NEK11: variants seen among roughly 807,000 people sequenced by gnomAD.
NEK11 encodes the protein serine/threonine-protein kinase Nek11.
NEK11 carries 72 observed loss-of-function variants against 80.7 expected under a neutral mutation model. The observed-to-expected ratio is 0.89, with a 90% CI of 0.74 to 1.08. NEK11 has a LOEUF of 1.08. Among genes scored for constraint, NEK11 ranks in the 50% least tolerant of loss-of-function variants. The pLI is 0.00. For missense variants in NEK11, 764 were observed against 763.6 expected (o/e 1.00, Z -0.01); for synonymous variants, 251 against 260.7 (o/e 0.96, Z 0.36).
intron 3 of NEK11, chr3:131,072,151 C>T (rs1042078856): frequency 6.6e-6 from 1 of 152,142 alleles, no homozygotes; most frequent in African/African-American, 2.4e-5. Flanking sequence ...ATCAAGAAGT[C>T]TAGAGAGAGA....
At chr3:131,148,575 C>T (rs1036872330) in intron 7 of NEK11, among the ~76,000 whole-genome samples, 9 of 151,840 alleles carry the variant, frequency 5.9e-5, no homozygotes, top group Admixed American at 5.9e-4. Flanking sequence ...GCTGAAAATA[C>T]ATTGGTAGGC....
chr3:131,284,754 T>C (rs1456485736), intron 17 of NEK11, among the ~76,000 whole-genome samples: 2 of 152,178 alleles, frequency 1.3e-5, no homozygotes, highest in Non-Finnish European at 2.9e-5. Context: ...ACTGGATGCT[T>C]CCTGCCCATC....
At chr3:131,189,299 C>G (rs2093706840) in intron 14 of NEK11, among the ~76,000 whole-genome samples, 1 of 152,198 alleles carries the variant, frequency 6.6e-6, no homozygotes, top group Non-Finnish European at 1.5e-5. Flanking sequence ...TAAAACACTT[C>G]TTGTCTTAGT....
At chr3:131,314,371 A>G (rs1302885489) in intron 17 of NEK11, among the ~76,000 whole-genome samples, 1 of 152,220 alleles carries the variant, frequency 6.6e-6, no homozygotes, top group Non-Finnish European at 1.5e-5. Flanking sequence ...TTGCACAACA[A>G]ATCTTTTGAG....
At chr3:131,309,577 T>C (rs544402502) in intron 17 of NEK11, among the ~76,000 whole-genome samples, 236 of 151,134 alleles carry the variant, frequency 1.6e-3, no homozygotes, top group African/African-American at 5.3e-3. Context: ...CTTTATGAAC[T>C]GGAACATCTG....
chr3:131,089,323 G>T (rs2076414675), intron 4 of NEK11, among the ~76,000 whole-genome samples: 1 of 152,314 alleles, frequency 6.6e-6, no homozygotes, highest in South Asian at 2.1e-4. Context: ...AGATTCTGAT[G>T]TATAAAATTT....
intron 3 of NEK11, among the ~76,000 whole-genome samples, chr3:131,050,384 C>A (rs1036736366): frequency 9.2e-5 from 14 of 152,120 alleles, no homozygotes; most frequent in African/African-American, 2.9e-4. Context: ...ACAAATGACT[C>A]CCTGCTGGTC....
chr3:131,213,904 T>TTGG lies in NEK11; in HGVS notation c.1400-14622_1400-14620dup, dbSNP rs144648805. 4.1e-3 allele frequency among the ~76,000 whole-genome samples: 624 copies of TTGG among 152,280 alleles called. 9 individuals are homozygous for TTGG. In the East Asian group the frequency reaches 0.041, roughly 10 times the overall value. ...CGAGATGAGGCCTTTAGGAGGTGAT[T>TTGG]TGGTCATGAGGGTAGAGCCCACAGG... On this transcript the variant is annotated intron_variant, in intron 14 of 17. Transcript: ENST00000383366.
chr3:131,323,947 C>T (rs1168362406), intron 17 of NEK11, among the ~76,000 whole-genome samples: 5 of 152,160 alleles, frequency 3.3e-5, no homozygotes, highest in Non-Finnish European at 5.9e-5. Context: ...CAGTAAACGG[C>T]TACACATGGC....
intron 17 of NEK11, among the ~76,000 whole-genome samples, chr3:131,334,241 A>G (rs983758172): frequency 7.9e-5 from 12 of 152,334 alleles, no homozygotes; most frequent in Non-Finnish European, 1.5e-4. Flanking sequence ...CAGCAAATGT[A>G]AAAGAACAGA....
chr3:131,308,309 T>G (rs2096742550), intron 17 of NEK11, among the ~76,000 whole-genome samples: 1 of 152,244 alleles, frequency 6.6e-6, no homozygotes, highest in East Asian at 1.9e-4. Flanking sequence ...CAGTAGAATC[T>G]TACCCATAAT....
At chr3:131,321,676 A>T (rs1374722431) in intron 17 of NEK11, among the ~76,000 whole-genome samples, 1 of 152,118 alleles carries the variant, frequency 6.6e-6, no homozygotes, top group Non-Finnish European at 1.5e-5. Context: ...CCATTTAAAA[A>T]ATGGGCAAGA....
chr3:131,253,976 C>A (rs1170863021), intron 16 of NEK11, among the ~76,000 whole-genome samples: 1 of 152,082 alleles, frequency 6.6e-6, no homozygotes, highest in Non-Finnish European at 1.5e-5. Flanking sequence ...AAAGTCTTTT[C>A]CTTGCTACCT....
chr3:131,063,326 G>A (rs954197416), intron 3 of NEK11, among the ~76,000 whole-genome samples: 1 of 152,198 alleles, frequency 6.6e-6, no homozygotes, highest in African/African-American at 2.4e-5. Flanking sequence ...CATCTAGCCT[G>A]AATGGAGCTT....
intron 3 of NEK11, among the ~76,000 whole-genome samples, chr3:131,069,462 C>G (rs1164703323): frequency 1.3e-5 from 2 of 152,094 alleles, no homozygotes; most frequent in Non-Finnish European, 2.9e-5. Context: ...TTTGACCCAG[C>G]CATCCCATTA....
intron 14 of NEK11, among the ~76,000 whole-genome samples, chr3:131,183,817 G>A (rs2093478946): frequency 6.6e-6 from 1 of 152,128 alleles, no homozygotes; most frequent in Non-Finnish European, 1.5e-5. Context: ...GGATTGCTGG[G>A]TCAAATGGTA....
intron 10 of NEK11, among the ~76,000 whole-genome samples, chr3:131,158,154 T>G (rs916192376): frequency 6.6e-6 from 1 of 151,972 alleles, no homozygotes; most frequent in South Asian, 2.1e-4. Flanking sequence ...CTGCTTGCAG[T>G]GCAGCCACGG....
chr3:131,115,653 C>G (rs1473662349), intron 5 of NEK11, among the ~76,000 whole-genome samples: 1 of 152,212 alleles, frequency 6.6e-6, no homozygotes, highest in Non-Finnish European at 1.5e-5. Flanking sequence ...AAACCCATTA[C>G]TGTTCTGGGC....
chr3:131,212,588 GT>G (rs1311761228), intron 14 of NEK11, among the ~76,000 whole-genome samples: 2 of 152,184 alleles, frequency 1.3e-5, no homozygotes, highest in Admixed American at 1.3e-4. Flanking sequence ...GACTGGAACT[GT>G]TTCTATTAGG....
Sources: gnomAD v4.1 joint callset for allele counts (sites outside exome capture counted in the v4.1 genomes callset) on GRCh38, gnomAD v4.1.1 for gene constraint, MANE v1.5 for transcripts, NCBI Gene and HGNC (gene_info 2026-07-23, HGNC 2026-07-21) for gene names.